Variants in YAE1 observed in about 807,000 individuals in gnomAD.
The protein encoded by YAE1 is protein YAE1 homolog.
Under a neutral mutation model 23.0 loss-of-function variants are expected in YAE1, and 22 were observed. That is an observed-to-expected ratio of 0.96 (90% CI 0.68 to 1.37). The LOEUF (loss-of-function observed/expected upper bound fraction) is 1.37. YAE1 is among the 40% of genes most tolerant of loss of function. The probability of loss-of-function intolerance (pLI) is 0.00; values close to 1 mark genes in which losing one functional copy is unlikely to be tolerated. For missense variants in YAE1, 260 were observed against 262.1 expected, an observed-to-expected ratio of 0.99 and a Z score of 0.06; for synonymous variants, 101 against 97.0, an observed-to-expected ratio of 1.04 and a Z score of -0.24.
At chr7:39,570,136 A>T in intron 1 of YAE1, 2 of 816,428 alleles carry the variant, frequency 2.4e-6, no homozygotes, top group Non-Finnish European at 4.1e-6. Flanking sequence ...GGGTCCAGGG[A>T]GCACCCCCAA....
intron 1 of YAE1, chr7:39,569,368 C>A (rs192241379): frequency 2.5e-6 from 1 of 392,766 alleles, no homozygotes; most frequent in Non-Finnish European, 5.1e-6. Context: ...ATTAAGATAA[C>A]TATACAATTT....
chr7:39,593,047 T>G (rs559940621), intron 2 of YAE1, among the ~76,000 whole-genome samples: 1 of 152,218 alleles, frequency 6.6e-6, no homozygotes, highest in South Asian at 2.1e-4. Context: ...TTGGATAATT[T>G]CTATTGATCT....
chr7:39,573,161 ATATT>A (rs747057938), downstream of YAE1, among the ~76,000 whole-genome samples: 1 of 152,324 alleles, frequency 6.6e-6, no homozygotes, highest in Non-Finnish European at 1.5e-5. Flanking sequence ...ATGTAGATAT[ATATT>A]GAAATTAAGA....
At chr7:39,586,584 G>A (rs1264979740) in intron 2 of YAE1, among the ~76,000 whole-genome samples, 1 of 148,558 alleles carries the variant, frequency 6.7e-6, no homozygotes, top group East Asian at 2.0e-4. Flanking sequence ...TGCAAGCTCC[G>A]CCTCCCAGGT....
intron 2 of YAE1, among the ~76,000 whole-genome samples, chr7:39,585,902 A>C: frequency 6.6e-6 from 1 of 152,132 alleles, no homozygotes; most frequent in East Asian, 1.9e-4. Flanking sequence ...TCAGAATTCG[A>C]GACCAGCCCG....
intron 1 of YAE1, chr7:39,570,157 C>T: frequency 1.3e-6 from 1 of 746,640 alleles, no homozygotes; most frequent in South Asian, 1.6e-5. Flanking sequence ...GCAACAGTAC[C>T]AGGACTGCCA....
At chr7:39,572,887 T>G, downstream of YAE1, 1 of 1,237,738 alleles carries the variant, frequency 8.1e-7, no homozygotes, top group Non-Finnish European at 1.0e-6. Context: ...CCTTTTTTCT[T>G]TGTCACTGGT....
At chr7:39,606,391 A>G (rs907799388) in intron 2 of YAE1, among the ~76,000 whole-genome samples, 1 of 152,256 alleles carries the variant, frequency 6.6e-6, no homozygotes, top group South Asian at 2.1e-4. Context: ...ACGTGTAGTT[A>G]AATTTTTAGT....
chr7:39,597,426 G>C (rs1790992220), intron 2 of YAE1, among the ~76,000 whole-genome samples: 1 of 152,144 alleles, frequency 6.6e-6, no homozygotes, highest in African/African-American at 2.4e-5. Flanking sequence ...ATTTTTTTAA[G>C]AGGAGTTGGA....
intron 2 of YAE1, among the ~76,000 whole-genome samples, chr7:39,596,851 C>T (rs1397174025): frequency 6.6e-6 from 1 of 152,138 alleles, no homozygotes; most frequent in Non-Finnish European, 1.5e-5. Context: ...TAAATGAATA[C>T]AAGACACAAC....
intron 2 of YAE1, among the ~76,000 whole-genome samples, chr7:39,582,532 T>C (rs560750113): frequency 2.3e-3 from 345 of 152,344 alleles, no homozygotes; most frequent in Non-Finnish European, 3.9e-3. Context: ...TATTAGTCTG[T>C]GATTTTTATC....
intron 2 of YAE1, among the ~76,000 whole-genome samples, chr7:39,601,200 A>T (rs1019495487): frequency 1.3e-5 from 2 of 152,242 alleles, no homozygotes; most frequent in Non-Finnish European, 2.9e-5. Flanking sequence ...GGGGACCAGC[A>T]TCATATTACT....
intron 2 of YAE1, among the ~76,000 whole-genome samples, chr7:39,581,571 T>C (rs548231324): frequency 6.6e-6 from 1 of 152,212 alleles, no homozygotes; most frequent in South Asian, 2.1e-4. Context: ...GAACAGCAAA[T>C]TATTATTAAC....
downstream of YAE1, among the ~76,000 whole-genome samples, chr7:39,577,329 C>T (rs1790669600): frequency 6.6e-6 from 1 of 152,268 alleles, no homozygotes; most frequent in African/African-American, 2.4e-5. Flanking sequence ...TTGGCCTCAG[C>T]ACCCACTCTG....
rs771738773 is a variant in YAE1 at position 39,566,466 on chromosome 7, AGGGGAC to A, written c.50_55del (p.Gly17_Asp18del). The A allele has an allele frequency of 3.7e-6, 6 of 1,614,182 alleles. No individual in the cohort carries two copies. The African/African-American group carries it at 5.3e-5, about 14-fold the overall frequency. On this transcript the variant is annotated inframe_deletion, in exon 1 of 3. Transcript: ENST00000223273. ...CCTTGATCCAGGGCCCTGGAGACAA[AGGGGAC>A]GTGTTTGACGAAGAAGCAGACGAGT...
intron 2 of YAE1, among the ~76,000 whole-genome samples, chr7:39,596,036 T>C (rs1790967542): frequency 6.6e-6 from 1 of 152,206 alleles, no homozygotes. Flanking sequence ...GTCTTAACAA[T>C]AGAGCTACAA....
downstream of YAE1, among the ~76,000 whole-genome samples, chr7:39,610,917 G>A (rs777896971): frequency 2.0e-5 from 3 of 152,170 alleles, no homozygotes; most frequent in African/African-American, 7.2e-5. Context: ...GGAGGAGGCC[G>A]AGCTGGGCGG....
At chr7:39,572,942 A>G, downstream of YAE1, 15 of 1,056,638 alleles carry the variant, frequency 1.4e-5, no homozygotes, top group East Asian at 4.8e-5. Flanking sequence ...TTCTACTGTC[A>G]TTGACATTTC....
chr7:39,597,865 T>C (rs1465333142), intron 2 of YAE1, among the ~76,000 whole-genome samples: 1 of 152,208 alleles, frequency 6.6e-6, no homozygotes, highest in Non-Finnish European at 1.5e-5. Flanking sequence ...AATTCTGTAT[T>C]ACCAGCATGT....
Sources: gnomAD v4.1 joint callset for allele counts (sites outside exome capture counted in the v4.1 genomes callset) on GRCh38, gnomAD v4.1.1 for gene constraint, MANE v1.5 for transcripts, NCBI Gene and HGNC (gene_info 2026-07-23, HGNC 2026-07-21) for gene names.